ATP10B: variants seen among roughly 807,000 people sequenced by gnomAD.
ATP10B encodes the protein phospholipid-transporting ATPase VB.
A neutral mutation model predicts 141.2 loss-of-function variants in ATP10B; 122 were observed. The observed-to-expected ratio is 0.86, with a 90% CI of 0.75 to 1.00. The LOEUF (loss-of-function observed/expected upper bound fraction) is 1.00, where lower values mean the gene tolerates loss of function less well. Among genes scored for constraint, ATP10B ranks in the 50% least tolerant of loss-of-function variants. The pLI is 0.00. For missense variants in ATP10B, 1,876 were observed against 1,825.3 expected (o/e 1.03, Z -0.51); for synonymous variants, 685 against 692.0 (o/e 0.99, Z 0.16).
intron 6 of ATP10B, among the ~76,000 whole-genome samples, chr5:160,671,775 C>A (rs1762718974): frequency 1.3e-5 from 2 of 151,888 alleles, no homozygotes; most frequent in Non-Finnish European, 2.9e-5. Flanking sequence ...ATTATCATAC[C>A]CATTTCACAA....
chr5:160,843,146 C>T (rs1291434297), intron 1 of ATP10B, among the ~76,000 whole-genome samples: 1 of 152,040 alleles, frequency 6.6e-6, no homozygotes, highest in East Asian at 1.9e-4. Flanking sequence ...GAATGCAAGG[C>T]TGGCTTCATG....
In ATP10B at chr5:160,755,542, G is replaced by A. The variant is rs566991293; in HGVS notation, c.-331+30017C>T. On this transcript the variant is annotated intron_variant, in intron 2 of 25. Transcript: ENST00000327245. ...GTAAAATATATATTATAGTCCGGGC[G>A]CGGTGGCTCACGCCTGTAATCCCAG... Among the ~76,000 whole-genome samples, 585 of 150,966 alleles carry A rather than the reference G, an allele frequency of 3.9e-3. 8 individuals are homozygous for A. The highest frequency in any genetic ancestry group is 0.012 in the African/African-American group (511 of 41,282).
At chr5:160,830,738 T>C (rs1369500987) in intron 1 of ATP10B, among the ~76,000 whole-genome samples, 2 of 152,048 alleles carry the variant, frequency 1.3e-5, no homozygotes, top group East Asian at 3.8e-4. Flanking sequence ...GACAACTACG[T>C]CACTGGAAGC....
chr5:160,630,913 TC>T (rs1758886380), intron 13 of ATP10B, among the ~76,000 whole-genome samples: 1 of 152,212 alleles, frequency 6.6e-6, no homozygotes, highest in Non-Finnish European at 1.5e-5. Flanking sequence ...TTCTTCTTTG[TC>T]ACAGTCAGAA....
chr5:160,632,234 C>T lies in ATP10B; in HGVS notation c.1515G>A (p.Leu505=), dbSNP rs951214791. The T allele has an allele frequency of 6.2e-7, 1 of 1,614,076 alleles. No homozygotes were observed. The highest frequency in any genetic ancestry group is 8.5e-7 in the Non-Finnish European group (1 of 1,180,032). ...TMRSQKGAQP[L]RRSQSARVPI... is the part of the protein sequence containing the mutation. Reference sequence around the variant, plus strand: ...GCACCCGGGCACTCTGGCTCCTCCTCAGAGGCTGAGCACCTTTTTGGCTTC... The same window carrying T: ...GCACCCGGGCACTCTGGCTCCTCCTTAGAGGCTGAGCACCTTTTTGGCTTC... Residue 505 remains leucine, a synonymous_variant, in exon 13 of 26, where the codon CTG becomes CTA. Coordinates refer to ENST00000327245, the MANE Select transcript of ATP10B (RefSeq NM_025153.3).
At chr5:160,725,531 C>T (rs1766280940) in intron 2 of ATP10B, among the ~76,000 whole-genome samples, 1 of 151,960 alleles carries the variant, frequency 6.6e-6, no homozygotes, top group Non-Finnish European at 1.5e-5. Context: ...CTGCAAGCTC[C>T]GCCTCCCGGG....
At chr5:160,922,685 A>G in the ATP10B span, among the ~76,000 whole-genome samples, 12 of 152,270 alleles carry the variant, frequency 7.9e-5, no homozygotes, top group Non-Finnish European at 1.8e-4. Flanking sequence ...AATCTGCAAT[A>G]GACACACACT....
At chr5:160,619,931 G>A (rs1758229169) in intron 15 of ATP10B, among the ~76,000 whole-genome samples, 1 of 152,158 alleles carries the variant, frequency 6.6e-6, no homozygotes. Context: ...AGTTAACCAT[G>A]TTACCTCTTG....
intron 2 of ATP10B, among the ~76,000 whole-genome samples, chr5:160,736,620 C>A (rs550754699): frequency 6.6e-6 from 1 of 152,050 alleles, no homozygotes; most frequent in Non-Finnish European, 1.5e-5. Context: ...ATTAGCCAGG[C>A]GTGGTGGCGT....
chr5:160,584,312 G>C (rs188267843), intron 24 of ATP10B, among the ~76,000 whole-genome samples: 2 of 152,020 alleles, frequency 1.3e-5, no homozygotes, highest in South Asian at 4.2e-4. Context: ...TGTGCTTTCC[G>C]GGTGAGGCAA....
At chr5:160,907,726 T>G in the ATP10B span, among the ~76,000 whole-genome samples, 95 of 152,312 alleles carry the variant, frequency 6.2e-4, no homozygotes, top group Middle Eastern at 3.4e-3. Context: ...TTGAGGAAAC[T>G]GAGACTTAAA....
intron 3 of ATP10B, among the ~76,000 whole-genome samples, chr5:160,706,283 C>T (rs1019442848): frequency 1.3e-5 from 2 of 152,176 alleles, no homozygotes; most frequent in African/African-American, 4.8e-5. Flanking sequence ...TTGCTTGATG[C>T]AGGGTTGCTG....
the ATP10B span, among the ~76,000 whole-genome samples, chr5:160,879,827 G>A: frequency 6.6e-6 from 1 of 152,110 alleles, no homozygotes; most frequent in African/African-American, 2.4e-5. Context: ...GACAGAGCAA[G>A]ACTCCATCCA....
intron 22 of ATP10B, among the ~76,000 whole-genome samples, chr5:160,595,663 AAAG>A (rs1298334639): frequency 2.0e-5 from 3 of 152,228 alleles, no homozygotes; most frequent in African/African-American, 7.2e-5. Context: ...ATAAAGAAAA[AAAG>A]AGAGAAGAAT....
chr5:160,820,400 C>A (rs1022272117), intron 1 of ATP10B, among the ~76,000 whole-genome samples: 1 of 151,376 alleles, frequency 6.6e-6, no homozygotes, highest in Non-Finnish European at 1.5e-5. Context: ...GCAAAGTTAC[C>A]CAGAAAAAAA....
rs559176829 is a variant in ATP10B, at chr5:160,587,525, G to A, written c.3750+2067C>T. On this transcript the variant is annotated intron_variant, in intron 24 of 25. Coordinates refer to ENST00000327245, the MANE Select transcript of ATP10B (RefSeq NM_025153.3). ...TTCTATAAATTACTTTGGGCAGTAT[G>A]GCCATTTTCACAATATTGATTCTTC... is the stretch of plus-strand genomic sequence containing the variant. 2.0e-4 allele frequency among the ~76,000 whole-genome samples: 30 copies of A among 152,276 alleles called. 1 individual carries two copies. In the South Asian group the frequency reaches 6.0e-3, roughly 31 times the overall value.
At chr5:160,741,681 T>A (rs1365447810) in intron 2 of ATP10B, among the ~76,000 whole-genome samples, 1 of 152,208 alleles carries the variant, frequency 6.6e-6, no homozygotes, top group South Asian at 2.1e-4. Flanking sequence ...AGTGTCTTTA[T>A]AAGCAATTAG....
chr5:160,810,601 T>C (rs1773089786), intron 1 of ATP10B, among the ~76,000 whole-genome samples: 2 of 152,194 alleles, frequency 1.3e-5, no homozygotes, highest in East Asian at 1.9e-4. Flanking sequence ...GTATTATTCA[T>C]GTCTTTCTAA....
intron 2 of ATP10B, among the ~76,000 whole-genome samples, chr5:160,742,771 T>G (rs1334790013): frequency 6.6e-6 from 1 of 152,122 alleles, no homozygotes; most frequent in East Asian, 1.9e-4. Flanking sequence ...ATTTGGGGAT[T>G]TTTTGGGACT....
Sources: gnomAD v4.1 joint callset for allele counts (sites outside exome capture counted in the v4.1 genomes callset) on GRCh38, gnomAD v4.1.1 for gene constraint, MANE v1.5 for transcripts, NCBI Gene and HGNC (gene_info 2026-07-23, HGNC 2026-07-21) for gene names.